The following TMED3 variants were observed in gnomAD, a reference collection of about 807,000 sequenced individuals.
TMED3 encodes the protein transmembrane p24 trafficking protein 3.
TMED3 carries 9 observed loss-of-function variants against 15.0 expected under a neutral mutation model. The observed-to-expected ratio is 0.60, with a 90% CI of 0.36 to 1.04. TMED3 has a LOEUF of 1.04. Ranked by LOEUF, TMED3 falls within the 50% of genes least tolerant of loss-of-function variation. The pLI, the probability that TMED3 is intolerant of heterozygous loss-of-function variation, is 0.01. For missense variants in TMED3, 267 were observed against 278.9 expected, an observed-to-expected ratio of 0.96 and a Z score of 0.30; for synonymous variants, 117 against 121.4, an observed-to-expected ratio of 0.96 and a Z score of 0.24.
intron 2 of TMED3, among the ~76,000 whole-genome samples, chr15:79,373,212 T>C (rs540967966): frequency 6.6e-6 from 1 of 152,338 alleles, no homozygotes; most frequent in Admixed American, 6.5e-5. Context: ...TAGGCTGTTA[T>C]CTCTTTTATT....
intron 2 of TMED3, among the ~76,000 whole-genome samples, chr15:79,348,560 T>C (rs1415935992): frequency 1.3e-5 from 2 of 152,248 alleles, no homozygotes; most frequent in Admixed American, 6.5e-5. Context: ...GATAGTGCTC[T>C]GTGTAATGGA....
intron 2 of TMED3, among the ~76,000 whole-genome samples, chr15:79,356,842 A>T (rs2058921264): frequency 6.6e-6 from 1 of 152,214 alleles, no homozygotes; most frequent in Non-Finnish European, 1.5e-5. Flanking sequence ...AACTGAAAAC[A>T]ATCCAAATAT....
At chr15:79,384,908 GTCCGTGGCAT>G (rs1893603999) in intron 2 of TMED3, among the ~76,000 whole-genome samples, 2 of 152,172 alleles carry the variant, frequency 1.3e-5, no homozygotes. Context: ...AGCAGCTGCA[GTCCGTGGCAT>G]TCACGGAGAG....
intron 2 of TMED3, among the ~76,000 whole-genome samples, chr15:79,385,933 T>G: frequency 6.6e-6 from 1 of 152,182 alleles, no homozygotes; most frequent in East Asian, 1.9e-4. Context: ...ATAAAACAAC[T>G]GTTGGATTTC....
At chr15:79,350,672 T>A (rs1306313968) in intron 2 of TMED3, among the ~76,000 whole-genome samples, 1 of 152,064 alleles carries the variant, frequency 6.6e-6, no homozygotes, top group African/African-American at 2.4e-5. Flanking sequence ...CAAATGTTAA[T>A]CTCCTTTGGC....
chr15:79,377,545 G>T (rs1893448250), intron 2 of TMED3, among the ~76,000 whole-genome samples: 1 of 151,674 alleles, frequency 6.6e-6, no homozygotes, highest in Non-Finnish European at 1.5e-5. Context: ...ATAGTGCATA[G>T]ATTTTTAGTC....
Position 79,394,387 on chromosome 15 carries a change from C to T in TMED3, c.418-17013C>T, listed in dbSNP as rs574119235. On this transcript the variant is annotated intron_variant, in intron 2 of 2. Transcript: ENST00000424155. Reference sequence around the variant, plus strand: ...CTTTTGGCTCTGGTTGTGTCTCTGGCTAGGAAGGCTGAGAGACTGACTCAT... The same window carrying T: ...CTTTTGGCTCTGGTTGTGTCTCTGGTTAGGAAGGCTGAGAGACTGACTCAT... Among the ~76,000 whole-genome samples, 6 of 152,270 alleles carry T rather than the reference C, an allele frequency of 3.9e-5. No individual in the cohort carries two copies. The East Asian group carries it at 1.2e-3, about 29-fold the overall frequency.
intron 2 of TMED3, among the ~76,000 whole-genome samples, chr15:79,385,756 G>A (rs1893618998): frequency 6.6e-6 from 1 of 152,200 alleles, no homozygotes; most frequent in South Asian, 2.1e-4. Flanking sequence ...TGGGTCTGCA[G>A]CCACACTTTG....
At chr15:79,364,806 C>T (rs1028963076) in intron 2 of TMED3, among the ~76,000 whole-genome samples, 3 of 152,034 alleles carry the variant, frequency 2.0e-5, no homozygotes, top group Non-Finnish European at 4.4e-5. Flanking sequence ...AGCTCCCCAT[C>T]CATCCCTCTG....
intron 2 of TMED3, among the ~76,000 whole-genome samples, chr15:79,361,194 G>C (rs1247524052): frequency 6.6e-6 from 1 of 152,128 alleles, no homozygotes; most frequent in Non-Finnish European, 1.5e-5. Context: ...CCAATTCCAA[G>C]TGTTGAAGTT....
At position 79,372,970 on chromosome 15, in the gene TMED3, G is replaced by A. The variant is rs140959098; in HGVS notation, c.418-38430G>A. Among the ~76,000 whole-genome samples, 358 of 152,196 alleles carry A rather than the reference G, an allele frequency of 2.4e-3. 2 individuals carry two copies. Among genetic ancestry groups the A allele is most frequent in the African/African-American group, 8.1e-3 (338 of 41,500 alleles). On this transcript the variant is annotated intron_variant, in intron 2 of 2. Transcript: ENST00000424155. Reference sequence around the variant, plus strand: ...GTTTGTCTGATCAGCTTTAAATAACGGATCCACAATTTTTTGATTTATCTG... The same window carrying A: ...GTTTGTCTGATCAGCTTTAAATAACAGATCCACAATTTTTTGATTTATCTG...
chr15:79,402,667 A>T (rs1045339296), intron 2 of TMED3, among the ~76,000 whole-genome samples: 6 of 152,168 alleles, frequency 3.9e-5, no homozygotes, highest in African/African-American at 1.4e-4. Context: ...GGTGCCCGTT[A>T]TCCCAGCTAC....
chr15:79,353,142 AAATATATAAAAT>A (rs1197161223), intron 2 of TMED3, among the ~76,000 whole-genome samples: 2 of 71,924 alleles, frequency 2.8e-5, no homozygotes, highest in African/African-American at 6.5e-5. Context: ...AATATATAAA[AAATATATAAAAT>A]ATATATAAAT....
intron 2 of TMED3, among the ~76,000 whole-genome samples, chr15:79,352,085 G>T (rs1313460336): frequency 1.3e-5 from 2 of 150,704 alleles, no homozygotes; most frequent in Non-Finnish European, 3.0e-5. Flanking sequence ...TAGGAGGGGG[G>T]TGAGGGGTAA....
intron 2 of TMED3, among the ~76,000 whole-genome samples, chr15:79,390,083 T>C (rs909516896): frequency 2.0e-5 from 3 of 152,186 alleles, no homozygotes; most frequent in Non-Finnish European, 4.4e-5. Flanking sequence ...CCTTTATTTC[T>C]TTCTCTTGTC....
intron 2 of TMED3, among the ~76,000 whole-genome samples, chr15:79,381,686 T>G (rs1211749566): frequency 6.6e-6 from 1 of 152,190 alleles, no homozygotes; most frequent in African/African-American, 2.4e-5. Flanking sequence ...CTCACCTGGC[T>G]TGGTCTTATT....
At chr15:79,387,040 G>A (rs1489167295) in intron 2 of TMED3, among the ~76,000 whole-genome samples, 1 of 150,518 alleles carries the variant, frequency 6.6e-6, no homozygotes, top group African/African-American at 2.4e-5. Flanking sequence ...CGATTCTCAT[G>A]CCACAGCCCC....
At chr15:79,376,917 C>T (rs902770870) in intron 2 of TMED3, among the ~76,000 whole-genome samples, 11 of 152,050 alleles carry the variant, frequency 7.2e-5, no homozygotes, top group African/African-American at 2.7e-4. Context: ...AGTTCAGGTA[C>T]GTGATGTGCT....
chr15:79,408,484 G>A (rs1893930843), intron 2 of TMED3, among the ~76,000 whole-genome samples: 1 of 152,222 alleles, frequency 6.6e-6, no homozygotes, highest in African/African-American at 2.4e-5. Flanking sequence ...AGCTGTAAGA[G>A]GTATTTTAAT....
Sources: allele counts gnomAD v4.1 joint callset (sites outside exome capture counted in the v4.1 genomes callset), GRCh38; gene constraint gnomAD v4.1.1; transcripts MANE v1.5; gene names NCBI Gene and HGNC (gene_info 2026-07-23, HGNC 2026-07-21).